Variants in KCNH1 observed in about 807,000 individuals in gnomAD.
KCNH1 encodes voltage-gated delayed rectifier potassium channel KCNH1.
Under a neutral mutation model 69.2 loss-of-function variants are expected in KCNH1, and 27 were observed. The ratio of observed to expected loss-of-function variants is 0.39; its 90% CI spans 0.29 to 0.54. The LOEUF (loss-of-function observed/expected upper bound fraction) is 0.54. Among genes scored for constraint, KCNH1 ranks in the 20% least tolerant of loss-of-function variants. KCNH1 has a pLI of 0.68. For missense variants in KCNH1, 798 were observed against 1,261.6 expected (o/e 0.63, Z 5.57); for synonymous variants, 456 against 487.7 (o/e 0.93, Z 0.86).
At chr1:210,982,236 AT>A (rs1688725401) in intron 6 of KCNH1, among the ~76,000 whole-genome samples, 1 of 151,680 alleles carries the variant, frequency 6.6e-6, no homozygotes, top group South Asian at 2.1e-4. Flanking sequence ...TATTATTATT[AT>A]TATTATTATT....
At chr1:210,942,377 T>A (rs11119634) in intron 6 of KCNH1, among the ~76,000 whole-genome samples, 1 of 152,086 alleles carries the variant, frequency 6.6e-6, no homozygotes, top group East Asian at 1.9e-4. Flanking sequence ...CTCTCCGAGC[T>A]TCACATCTTC....
intron 7 of KCNH1, chr1:210,860,972 C>A (rs1685965704): frequency 1.0e-6 from 1 of 995,132 alleles, no homozygotes; most frequent in African/African-American, 1.6e-5. Flanking sequence ...GCTAAAGAGC[C>A]AATCATGCAG....
At chr1:210,710,532 G>A (rs1453986128) in intron 10 of KCNH1, among the ~76,000 whole-genome samples, 3 of 152,102 alleles carry the variant, frequency 2.0e-5, no homozygotes, top group African/African-American at 7.2e-5. Context: ...TGTAACAATG[G>A]CTATGATATC....
rs151286244 is a variant in KCNH1 at position 210,959,104 on chromosome 1, A to T, written c.1033-39035T>A. Among the ~76,000 whole-genome samples, 5 of 152,206 alleles carry T rather than the reference A, an allele frequency of 3.3e-5. No individual in the cohort carries two copies. In the East Asian group the frequency reaches 9.6e-4, roughly 29 times the overall value. On this transcript the variant is annotated intron_variant, in intron 6 of 10. Coordinates refer to ENST00000271751, the MANE Select transcript of KCNH1 (RefSeq NM_172362.3). ...ACCAATAAATGAGGTTTTGGTGTGGATGTCCTTTTTGTTGATATTGATGTT... is the reference window on the plus strand; with the variant it reads ...ACCAATAAATGAGGTTTTGGTGTGGTTGTCCTTTTTGTTGATATTGATGTT...
intron 6 of KCNH1, among the ~76,000 whole-genome samples, chr1:211,003,820 A>G (rs531523181): frequency 6.6e-6 from 1 of 152,334 alleles, no homozygotes; most frequent in African/African-American, 2.4e-5. Flanking sequence ...AATAATTAGC[A>G]ATTGGCCGGG....
chr1:211,000,851 T>A (rs1033947922), intron 6 of KCNH1, among the ~76,000 whole-genome samples: 1 of 151,980 alleles, frequency 6.6e-6, no homozygotes, highest in Admixed American at 6.5e-5. Flanking sequence ...CCCTCAGAAA[T>A]AATACCACAA....
At chr1:210,931,604 T>A (rs1010797246) in intron 6 of KCNH1, among the ~76,000 whole-genome samples, 1 of 151,980 alleles carries the variant, frequency 6.6e-6, no homozygotes, top group Non-Finnish European at 1.5e-5. Flanking sequence ...ATCTCAGAAA[T>A]CACCACTAAA....
chr1:211,075,657 C>T (rs531523142), intron 5 of KCNH1, among the ~76,000 whole-genome samples: 3 of 152,254 alleles, frequency 2.0e-5, no homozygotes, highest in Non-Finnish European at 2.9e-5. Context: ...CAGCTCCCAG[C>T]GTGATCAATG....
intron 6 of KCNH1, among the ~76,000 whole-genome samples, chr1:210,950,224 T>C (rs1417306326): frequency 6.6e-6 from 1 of 152,168 alleles, no homozygotes; most frequent in Non-Finnish European, 1.5e-5. Flanking sequence ...TTCTTTTTTT[T>C]TTTTTTAATT....
chr1:210,900,023 G>C lies in KCNH1; in HGVS notation c.1462+19617C>G, dbSNP rs532453702. ...TTTAGGATAAAGGGGTAGTAAATGA[G>C]TATAATTCGTTAGTCCTAAATGCTT... On this transcript the variant is annotated intron_variant, in intron 7 of 10. Coordinates refer to ENST00000271751, the MANE Select transcript of KCNH1 (RefSeq NM_172362.3). 1.8e-4 allele frequency among the ~76,000 whole-genome samples: 27 copies of C among 152,342 alleles called. 1 individual carries two copies. The South Asian group carries it at 4.8e-3, about 27-fold the overall frequency.
intron 6 of KCNH1, among the ~76,000 whole-genome samples, chr1:210,939,252 CAG>C (rs1261993966): frequency 6.6e-6 from 1 of 152,094 alleles, no homozygotes; most frequent in East Asian, 1.9e-4. Flanking sequence ...CGGGGGGAGA[CAG>C]AGAATAAACA....
At chr1:210,769,372 G>A (rs1040426770) in intron 10 of KCNH1, among the ~76,000 whole-genome samples, 3 of 152,124 alleles carry the variant, frequency 2.0e-5, no homozygotes, top group Admixed American at 1.3e-4. Flanking sequence ...ATGTACATAT[G>A]GTATTCAAGA....
intron 10 of KCNH1, among the ~76,000 whole-genome samples, chr1:210,696,899 C>T (rs1465384804): frequency 1.3e-5 from 2 of 152,198 alleles, no homozygotes; most frequent in African/African-American, 2.4e-5. Context: ...TCATCACCTG[C>T]CCAACTGTGG....
At chr1:211,035,016 C>A (rs1243805719) in intron 5 of KCNH1, among the ~76,000 whole-genome samples, 1 of 152,242 alleles carries the variant, frequency 6.6e-6, no homozygotes, top group East Asian at 1.9e-4. Flanking sequence ...TTAGGCCCTG[C>A]CTGAGTGAGG....
chr1:210,797,429 AG>A (rs1224397442), intron 9 of KCNH1, 78 bp downstream of exon 9: 1 of 1,488,472 alleles, frequency 6.7e-7, no homozygotes, highest in African/African-American at 1.4e-5. Flanking sequence ...CTCTAACTGA[AG>A]GTGGCAGTGG....
intron 10 of KCNH1, among the ~76,000 whole-genome samples, chr1:210,763,823 A>T (rs914670345): frequency 6.6e-6 from 1 of 152,172 alleles, no homozygotes; most frequent in East Asian, 1.9e-4. Context: ...CACTATTCCT[A>T]TCAAGTTACC....
In KCNH1 at chr1:210,680,518, T is replaced by C. The variant is rs1336615527; in HGVS notation, c.*2763A>G. 1 of 152,140 alleles carries C rather than the reference T, an allele frequency of 6.6e-6. No homozygotes were observed. The highest frequency in any genetic ancestry group is 1.9e-4 in the East Asian group (1 of 5,192). The allele number at this position is 152,140 out of a possible 1,614,324, so 9.4% of individuals were successfully genotyped here. A position where few individuals can be genotyped will look rare whatever the true frequency, so the allele number is the denominator to read the frequency against. The stretch of plus-strand genomic sequence containing the variant: ...CCAGCCACCAGATAATGGTTTATAC[T>C]GGAAGGCTCAGGTCACTGGTATCTG... On this transcript the variant is annotated 3_prime_UTR_variant, in exon 11 of 11. Transcript: ENST00000271751.
intron 3 of KCNH1, among the ~76,000 whole-genome samples, chr1:211,100,599 C>T (rs865849012): frequency 9.2e-5 from 14 of 152,360 alleles, no homozygotes; most frequent in Middle Eastern, 6.8e-3. Context: ...GATCCACCCA[C>T]CTCGGCCTCC....
intron 3 of KCNH1, among the ~76,000 whole-genome samples, chr1:211,094,096 TG>T (rs1691103503): frequency 6.6e-6 from 1 of 152,198 alleles, no homozygotes; most frequent in Admixed American, 6.5e-5. Context: ...CCAACCTTTT[TG>T]GCACCAGGGA....
Sources: gnomAD v4.1 joint callset for allele counts (sites outside exome capture counted in the v4.1 genomes callset) on GRCh38, gnomAD v4.1.1 for gene constraint, MANE v1.5 for transcripts, NCBI Gene and HGNC (gene_info 2026-07-23, HGNC 2026-07-21) for gene names.